The following GNA14 variants were observed in gnomAD, a reference collection of about 807,000 sequenced individuals.
GNA14 encodes guanine nucleotide-binding protein subunit alpha-14.
In GNA14, 50 loss-of-function variants were observed where a neutral mutation model predicts 42.0. The observed-to-expected ratio is 1.19, with a 90% CI of 0.95 to 1.51. GNA14 has a LOEUF of 1.51. Among genes scored for constraint, GNA14 ranks in the 40% most tolerant of loss-of-function variants. The pLI, the probability that GNA14 is intolerant of heterozygous loss-of-function variation, is 0.00. For synonymous variants in GNA14, 173 were observed against 163.1 expected (o/e 1.06, Z -0.46); for missense variants, 473 against 446.2 (o/e 1.06, Z -0.54).
chr9:77,457,878 CT>C (rs146854114), intron 2 of GNA14, among the ~76,000 whole-genome samples: 35 of 149,496 alleles, frequency 2.3e-4, no homozygotes, highest in African/African-American at 7.8e-4. Flanking sequence ...CCTTGCTCTG[CT>C]TTTTTTTTTC....
intron 1 of GNA14, among the ~76,000 whole-genome samples, chr9:77,614,396 G>T (rs964706479): frequency 2.6e-5 from 4 of 152,036 alleles, no homozygotes; most frequent in African/African-American, 9.7e-5. Context: ...AGTTTTTGGG[G>T]TATCTGACAG....
intron 1 of GNA14, 114 bp from the exon 2 acceptor site, chr9:77,529,367 T>C (rs1837494092): frequency 4.7e-6 from 4 of 844,932 alleles, no homozygotes; most frequent in Non-Finnish European, 7.9e-6. Flanking sequence ...GGCTGATGGG[T>C]TGGATTTGGA....
Position 77,647,698 on chromosome 9 carries a change from C to G in GNA14, c.96G>C (p.Ala32=), listed in dbSNP as rs747218320. ...GCAGCAGCAGCTTAAGCTCACGGCG[C>G]GCGTCCTTCTTGTCCCGACGAAGCT... The part of the protein sequence containing the change: ...ERQLRRDKKD[A]RRELKLLLLG... Residue 32 remains alanine, a synonymous_variant, in exon 1 of 7, where the codon GCG becomes GCC. Coordinates refer to ENST00000341700, the MANE Select transcript of GNA14 (RefSeq NM_004297.4). The G allele has an allele frequency of 1.2e-6, 2 of 1,610,184 alleles. No individual in the cohort carries two copies. The highest frequency in any genetic ancestry group is 2.2e-5 in the South Asian group (2 of 90,196).
intron 2 of GNA14, among the ~76,000 whole-genome samples, chr9:77,471,400 G>A (rs1836327524): frequency 6.6e-6 from 1 of 152,110 alleles, no homozygotes; most frequent in Non-Finnish European, 1.5e-5. Context: ...TTATGTGGGT[G>A]GACAGCCCAA....
chr9:77,631,653 CA>C (rs1472468110), intron 1 of GNA14, among the ~76,000 whole-genome samples: 1 of 151,470 alleles, frequency 6.6e-6, no homozygotes, highest in Non-Finnish European at 1.5e-5. Flanking sequence ...TAAAATAAAA[CA>C]AAAACACATA....
intron 2 of GNA14, among the ~76,000 whole-genome samples, chr9:77,466,268 C>A (rs915775418): frequency 6.6e-6 from 1 of 152,044 alleles, no homozygotes; most frequent in Non-Finnish European, 1.5e-5. Context: ...AAATGGTGCC[C>A]CATGTTGATC....
intron 1 of GNA14, among the ~76,000 whole-genome samples, chr9:77,531,479 C>A (rs990312858): frequency 2.6e-5 from 4 of 152,160 alleles, no homozygotes; most frequent in African/African-American, 9.7e-5. Flanking sequence ...TCTACTCCTG[C>A]AGCATCTTGG....
intron 2 of GNA14, among the ~76,000 whole-genome samples, chr9:77,527,418 G>T (rs2131766749): frequency 6.6e-6 from 1 of 152,332 alleles, no homozygotes; most frequent in Non-Finnish European, 1.5e-5. Flanking sequence ...GTGGGCCACA[G>T]TGCAGCCCAG....
intron 1 of GNA14, among the ~76,000 whole-genome samples, chr9:77,543,916 A>T (rs180975461): frequency 2.0e-5 from 3 of 152,334 alleles, no homozygotes; most frequent in African/African-American, 7.2e-5. Context: ...GTTCAAATGC[A>T]GTGAGGCTAC....
intron 1 of GNA14, among the ~76,000 whole-genome samples, chr9:77,561,845 A>T (rs1822888536): frequency 6.6e-6 from 1 of 152,210 alleles, no homozygotes; most frequent in South Asian, 2.1e-4. Flanking sequence ...CTGACTAATT[A>T]CTACATCAAC....
chr9:77,531,207 C>T (rs1194116268), intron 1 of GNA14, among the ~76,000 whole-genome samples: 1 of 152,140 alleles, frequency 6.6e-6, no homozygotes, highest in African/African-American at 2.4e-5. Context: ...ATAGAAAGCA[C>T]CCAAAGAAAT....
chr9:77,454,572 T>A (rs913019594), intron 2 of GNA14, among the ~76,000 whole-genome samples: 1 of 122,512 alleles, frequency 8.2e-6, no homozygotes, highest in South Asian at 2.5e-4. Flanking sequence ...CAACTGGCCA[T>A]CAGGATTTTT....
chr9:77,464,067 CT>C (rs1276743230), intron 2 of GNA14, among the ~76,000 whole-genome samples: 1 of 152,028 alleles, frequency 6.6e-6, no homozygotes, highest in African/African-American at 2.4e-5. Flanking sequence ...GTGGTGTAAT[CT>C]CAGGTCACTG....
intron 5 of GNA14, among the ~76,000 whole-genome samples, chr9:77,428,385 T>C (rs1318329082): frequency 2.6e-5 from 4 of 152,142 alleles, no homozygotes; most frequent in African/African-American, 9.7e-5. Context: ...AGCCAAGAGA[T>C]GGCATTTTTA....
intron 1 of GNA14, among the ~76,000 whole-genome samples, chr9:77,636,150 TATTTTTCA>T (rs1824180720): frequency 6.6e-6 from 1 of 152,220 alleles, no homozygotes; most frequent in Non-Finnish European, 1.5e-5. Context: ...ATAATTAACA[TATTTTTCA>T]ATTACACAGT....
chr9:77,624,302 T>C (rs1009893833), intron 1 of GNA14, among the ~76,000 whole-genome samples: 6 of 152,186 alleles, frequency 3.9e-5, no homozygotes, highest in African/African-American at 1.4e-4. Context: ...CCCATCTCCC[T>C]GGGACAGAGC....
intron 1 of GNA14, among the ~76,000 whole-genome samples, chr9:77,547,388 G>T (rs936449385): frequency 6.6e-6 from 1 of 152,066 alleles, no homozygotes; most frequent in African/African-American, 2.4e-5. Context: ...ATATAAAAAG[G>T]AATTCCGTTG....
At chr9:77,459,286 T>C (rs947034574) in intron 2 of GNA14, among the ~76,000 whole-genome samples, 20 of 152,088 alleles carry the variant, frequency 1.3e-4, no homozygotes, top group Admixed American at 3.3e-4. Context: ...AAATGTTATG[T>C]TAGGTATATT....
At chr9:77,424,794 G>A (rs780524818) in intron 6 of GNA14, among the ~76,000 whole-genome samples, 6 of 152,152 alleles carry the variant, frequency 3.9e-5, no homozygotes, top group African/African-American at 1.2e-4. Context: ...CTCTGGTCTA[G>A]GAGAGATAAA....
Sources: gnomAD v4.1 joint callset for allele counts (sites outside exome capture counted in the v4.1 genomes callset) on GRCh38, gnomAD v4.1.1 for gene constraint, MANE v1.5 for transcripts, NCBI Gene and HGNC (gene_info 2026-07-23, HGNC 2026-07-21) for gene names.